The following MLLT10 variants were observed in gnomAD, a reference collection of about 807,000 sequenced individuals.
MLLT10 encodes MLLT10 histone lysine methyltransferase DOT1L cofactor, also known as protein AF-10.
MLLT10 carries 30 observed loss-of-function variants against 129.1 expected under a neutral mutation model. The observed-to-expected ratio is 0.23, with a 90% confidence interval of 0.17 to 0.32. MLLT10 has a LOEUF of 0.32. Among genes scored for constraint, MLLT10 ranks in the 10% least tolerant of loss-of-function variants. MLLT10 has a pLI of 1.00. For missense variants in MLLT10, 1,119 were observed against 1,268.3 expected (o/e 0.88, Z 1.79); for synonymous variants, 490 against 446.4 (o/e 1.10, Z -1.23).
chr10:21,731,981 C>CTAA (rs1273367837), intron 17 of MLLT10, among the ~76,000 whole-genome samples: 3 of 152,260 alleles, frequency 2.0e-5, no homozygotes, highest in Admixed American at 6.5e-5. Flanking sequence ...TCATGCCAGG[C>CTAA]TAATCCTTTA....
intron 13 of MLLT10, among the ~76,000 whole-genome samples, chr10:21,684,389 T>C (rs1420395457): frequency 3.9e-5 from 6 of 152,210 alleles, no homozygotes; most frequent in Non-Finnish European, 5.9e-5. Flanking sequence ...TGCAGACTTA[T>C]ATTTCGAAAA....
chr10:21,680,970 G>T (rs1294538294), intron 11 of MLLT10, among the ~76,000 whole-genome samples: 2 of 150,864 alleles, frequency 1.3e-5, no homozygotes, highest in African/African-American at 2.4e-5. Flanking sequence ...AAAAAAAAAA[G>T]ATCTAAAGCA....
At chr10:21,693,523 C>T (rs376396810) in intron 13 of MLLT10, among the ~76,000 whole-genome samples, 2 of 151,680 alleles carry the variant, frequency 1.3e-5, no homozygotes, top group Non-Finnish European at 2.9e-5. Flanking sequence ...CCTATTTGTG[C>T]GCCTACCCCT....
At chr10:21,601,834 G>A (rs143800921) in intron 5 of MLLT10, among the ~76,000 whole-genome samples, 1 of 152,112 alleles carries the variant, frequency 6.6e-6, no homozygotes, top group African/African-American at 2.4e-5. Flanking sequence ...ACTATGCCTG[G>A]CCCTATCTCA....
intron 8 of MLLT10, among the ~76,000 whole-genome samples, chr10:21,619,707 T>C (rs1208516973): frequency 6.6e-6 from 1 of 152,218 alleles, no homozygotes; most frequent in East Asian, 1.9e-4. Context: ...ATTTTGTTTT[T>C]AATAACTGAG....
chr10:21,563,891 C>T (rs543078196), intron 3 of MLLT10, among the ~76,000 whole-genome samples: 3 of 151,764 alleles, frequency 2.0e-5, no homozygotes, highest in South Asian at 2.1e-4. Context: ...AGGCTCACTG[C>T]GGGCTCCACC....
At chr10:21,594,481 A>AGGC (rs906427738) in intron 4 of MLLT10, among the ~76,000 whole-genome samples, 16 of 142,902 alleles carry the variant, frequency 1.1e-4, no homozygotes, top group African/African-American at 3.9e-4. Context: ...TGAACCCAGG[A>AGGC]GGCGGAGGTC....
intron 8 of MLLT10, chr10:21,625,760 A>G (rs1287434258): frequency 5.3e-5 from 41 of 768,588 alleles, no homozygotes; most frequent in Non-Finnish European, 9.2e-5. Flanking sequence ...CGAATTTCAT[A>G]GCTGTCACAG....
At chr10:21,623,131 G>C (rs1484968539) in intron 8 of MLLT10, among the ~76,000 whole-genome samples, 1 of 152,226 alleles carries the variant, frequency 6.6e-6, no homozygotes, top group Non-Finnish European at 1.5e-5. Flanking sequence ...TGATCAGGAA[G>C]CTCTTAGAAC....
rs768201657 is a variant in MLLT10 at position 21,741,971 on chromosome 10, A to C, written c.3195A>C (p.Gln1065His). The C allele has an allele frequency of 6.2e-7, 1 of 1,612,368 alleles. No homozygotes were observed. The highest frequency in any genetic ancestry group is 1.1e-5 in the South Asian group (1 of 90,904). The change falls in exon 23 of 23, where the codon CAA becomes CAC. Residue 1065 changes from glutamine to histidine, a missense_variant. Gln to His is a conservative substitution (Grantham distance 24). This residue lies in a region of MLLT10 where 1,004 missense variants were observed against 1,008.7 expected (regional missense o/e 1.00). Coordinates refer to ENST00000307729, the MANE Select transcript of MLLT10 (RefSeq NM_001195626.3). The stretch of plus-strand genomic sequence containing the variant: ...GTGATAAAACTGGGCCTGTAGCTCA[A>C]GAGAAAAGTTGACACCTGAGAAACA... ...RLSDKTGPVAQEKS is the reference protein window; with the variant it reads ...RLSDKTGPVAHEKS
rs564968802 is a variant in MLLT10, at chr10:21,673,630, C to T, written c.1332C>T (p.Ser444=). 3.5e-5 allele frequency: 57 copies of T among 1,613,826 alleles called. 1 individual carries two copies. The South Asian group carries it at 5.7e-4, about 16-fold the overall frequency. Residue 444 remains serine (S), a synonymous_variant, in exon 11 of 23, where the codon AGC becomes AGT. Coordinates refer to ENST00000307729, the MANE Select transcript of MLLT10 (RefSeq NM_001195626.3). ...ENSPGDLGNS[S]LPTAGYKRAQ... ...CACCTGGAGATTTGGGTAATTCCAGCCTTCCTACAGCAGGATATAAGCGGG... is the reference window on the plus strand; with the variant it reads ...CACCTGGAGATTTGGGTAATTCCAGTCTTCCTACAGCAGGATATAAGCGGG...
chr10:21,604,034 T>A (rs1488301588), intron 5 of MLLT10, among the ~76,000 whole-genome samples: 2 of 152,136 alleles, frequency 1.3e-5, no homozygotes, highest in Non-Finnish European at 2.9e-5. Context: ...TACTGGGTGT[T>A]AAGGACTTCA....
chr10:21,561,655 A>G (rs1353631801), intron 3 of MLLT10, among the ~76,000 whole-genome samples: 1 of 152,198 alleles, frequency 6.6e-6, no homozygotes, highest in Non-Finnish European at 1.5e-5. Flanking sequence ...TTGCATGTAG[A>G]TAATCCAGTT....
At chr10:21,595,966 GT>G (rs2042982528) in intron 5 of MLLT10, among the ~76,000 whole-genome samples, 3 of 151,474 alleles carry the variant, frequency 2.0e-5, no homozygotes, top group South Asian at 4.2e-4. Context: ...ATATATTATT[GT>G]TTTATTCTCC....
In MLLT10 at chr10:21,682,212, C is replaced by G; in HGVS notation, c.1667-13C>G. 6.2e-7 allele frequency: 1 copy of G among 1,603,924 alleles called. No individual in the cohort carries two copies. The highest frequency in any genetic ancestry group is 8.5e-7 in the Non-Finnish European group (1 of 1,176,080). On this transcript the variant is annotated splice_polypyrimidine_tract_variant and intron_variant, in intron 12 of 22. Transcript: ENST00000307729. ...TGATCTTAACCTGAAGTCCTTTTTT[C>G]CTTACTTAAAAGCGTTCTCAGAGTT...
rs556667892 is a variant in MLLT10 at position 21,584,984 on chromosome 10, C to T, written c.241-1310C>T. Among the ~76,000 whole-genome samples the T allele has an allele frequency of 9.2e-5, 14 of 151,792 alleles. No homozygotes were observed. In the East Asian group the frequency reaches 1.4e-3, roughly 15 times the overall value. ...CCAGGCTGGAGTGCAGTGGCGCAAT[C>T]GTGGCTCACTGCAGCCTTGACCTTC... On this transcript the variant is annotated intron_variant, in intron 3 of 22. Coordinates refer to ENST00000307729, the MANE Select transcript of MLLT10 (RefSeq NM_001195626.3).
chr10:21,608,680 T>C (rs1195567012), intron 5 of MLLT10, among the ~76,000 whole-genome samples: 1 of 152,126 alleles, frequency 6.6e-6, no homozygotes, highest in East Asian at 1.9e-4. Flanking sequence ...TTTCAGGCTG[T>C]TCTTTAGGTT....
At chr10:21,535,272 A>G (rs913303570) in intron 2 of MLLT10, among the ~76,000 whole-genome samples, 4 of 151,786 alleles carry the variant, frequency 2.6e-5, no homozygotes, top group Non-Finnish European at 5.9e-5. Context: ...TGGCGTGGAG[A>G]CGGGCTCGGG....
intron 4 of MLLT10, among the ~76,000 whole-genome samples, chr10:21,588,424 A>G (rs1048580793): frequency 2.0e-5 from 3 of 151,964 alleles, no homozygotes; most frequent in African/African-American, 7.3e-5. Context: ...CATGTTATCT[A>G]ATATCTAATC....
Sources: allele counts gnomAD v4.1 joint callset (sites outside exome capture counted in the v4.1 genomes callset), GRCh38; gene constraint gnomAD v4.1.1; regional missense constraint gnomAD v4.1.1; transcripts MANE v1.5; gene names NCBI Gene and HGNC (gene_info 2026-07-23, HGNC 2026-07-21).